Variants in PPP1R12B observed in about 807,000 individuals in gnomAD.
The protein encoded by PPP1R12B is myosin phosphatase target subunit 2.
In PPP1R12B, 76 loss-of-function variants were observed where a neutral mutation model predicts 126.1. The ratio of observed to expected loss-of-function variants is 0.60; its 90% CI spans 0.50 to 0.73. The LOEUF (loss-of-function observed/expected upper bound fraction) is 0.73, where lower values mean the gene tolerates loss of function less well. Ranked by LOEUF, PPP1R12B falls within the 30% of genes least tolerant of loss-of-function variation. The pLI is 0.00. For missense variants in PPP1R12B, 1,052 were observed against 1,205.1 expected, an observed-to-expected ratio of 0.87 and a Z score of 1.88; for synonymous variants, 356 against 434.7, an observed-to-expected ratio of 0.82 and a Z score of 2.25.
chr1:202,371,531 G>A (rs1660260470), intron 1 of PPP1R12B, among the ~76,000 whole-genome samples: 1 of 151,656 alleles, frequency 6.6e-6, no homozygotes, highest in African/African-American at 2.4e-5. Context: ...CATTAAATTT[G>A]CTTTTTGTTT....
intron 18 of PPP1R12B, among the ~76,000 whole-genome samples, chr1:202,497,634 C>G (rs958796520): frequency 6.6e-6 from 1 of 152,116 alleles, no homozygotes; most frequent in African/African-American, 2.4e-5. Context: ...ATATTTTTGT[C>G]TAGATCCAAA....
intron 13 of PPP1R12B, among the ~76,000 whole-genome samples, chr1:202,464,217 A>G (rs1471498336): frequency 1.3e-5 from 2 of 152,168 alleles, no homozygotes; most frequent in Non-Finnish European, 2.9e-5. Flanking sequence ...GTTGCTTTTC[A>G]TTACTACATT....
chr1:202,474,260 G>A (rs1185057810), intron 13 of PPP1R12B, among the ~76,000 whole-genome samples: 1 of 151,688 alleles, frequency 6.6e-6, no homozygotes, highest in Non-Finnish European at 1.5e-5. Context: ...GGAATCAATT[G>A]CTTTTAAACT....
chr1:202,537,664 C>T (rs1016019380), intron 18 of PPP1R12B, among the ~76,000 whole-genome samples: 1 of 152,182 alleles, frequency 6.6e-6, no homozygotes, highest in Non-Finnish European at 1.5e-5. Context: ...TCTCTAATTG[C>T]CAGTGAGTGT....
chr1:202,512,185 A>G (rs1681603165), intron 18 of PPP1R12B, among the ~76,000 whole-genome samples: 3 of 152,212 alleles, frequency 2.0e-5, no homozygotes, highest in Admixed American at 6.5e-5. Context: ...TCCATGATAC[A>G]TATACAGACA....
intron 1 of PPP1R12B, among the ~76,000 whole-genome samples, chr1:202,371,136 C>T (rs1558142038): frequency 6.6e-6 from 1 of 150,910 alleles, no homozygotes; most frequent in Non-Finnish European, 1.5e-5. Context: ...CCACCTCAGC[C>T]TTCCAAATAG....
chr1:202,406,717 T>C (rs949690139), intron 1 of PPP1R12B, among the ~76,000 whole-genome samples: 2 of 152,214 alleles, frequency 1.3e-5, no homozygotes, highest in African/African-American at 4.8e-5. Flanking sequence ...CTTTACTGTT[T>C]TGTTATAATA....
intron 18 of PPP1R12B, among the ~76,000 whole-genome samples, chr1:202,498,338 T>C (rs887153129): frequency 6.6e-6 from 1 of 152,184 alleles, no homozygotes; most frequent in African/African-American, 2.4e-5. Flanking sequence ...AAAACAACAA[T>C]GTGAATCAAA....
At chr1:202,477,229 G>A (rs1238028746) in intron 13 of PPP1R12B, among the ~76,000 whole-genome samples, 2 of 152,170 alleles carry the variant, frequency 1.3e-5, no homozygotes, top group Admixed American at 6.5e-5. Context: ...AGCAGCAAAC[G>A]TGTGCCAGGT....
chr1:202,434,782 A>G lies in PPP1R12B; in HGVS notation c.1254+14A>G. 4 of 1,612,386 alleles carry G rather than the reference A, an allele frequency of 2.5e-6. No homozygotes were observed. Among genetic ancestry groups the G allele is most frequent in the Non-Finnish European group, 3.4e-6 (4 of 1,179,536 alleles). ...TCTGCTAGGAGGGTGAGTACTTTTTACTTAATTTGGGAATTAGATTTCACC... is the reference window on the plus strand; with the variant it reads ...TCTGCTAGGAGGGTGAGTACTTTTTGCTTAATTTGGGAATTAGATTTCACC... On this transcript the variant is annotated intron_variant, in intron 9 of 23. Transcript: ENST00000608999.
chr1:202,420,485 T>C (rs1668603745), intron 2 of PPP1R12B, among the ~76,000 whole-genome samples: 1 of 152,152 alleles, frequency 6.6e-6, no homozygotes, highest in Non-Finnish European at 1.5e-5. Flanking sequence ...GGGTGAGAGT[T>C]GATGTGTTTG....
chr1:202,536,715 CACAT>C (rs926451355), intron 18 of PPP1R12B, among the ~76,000 whole-genome samples: 4 of 151,992 alleles, frequency 2.6e-5, no homozygotes, highest in African/African-American at 7.2e-5. Flanking sequence ...TTAAAACAAA[CACAT>C]ACAGCTGTAC....
intron 5 of PPP1R12B, among the ~76,000 whole-genome samples, chr1:202,428,266 C>T (rs1669801963): frequency 6.6e-6 from 1 of 152,104 alleles, no homozygotes; most frequent in South Asian, 2.1e-4. Context: ...CTGTGCCCAG[C>T]CCATATATGT....
In PPP1R12B at chr1:202,571,430, G is replaced by T. The variant is rs966231826; in HGVS notation, c.2862+2233G>T. Among the ~76,000 whole-genome samples, 3 of 146,838 alleles carry T rather than the reference G, an allele frequency of 2.0e-5. No homozygotes were observed. The Admixed American group carries it at 2.2e-4, about 11-fold the overall frequency. On this transcript the variant is annotated intron_variant, in intron 23 of 23. Coordinates refer to ENST00000608999, the MANE Select transcript of PPP1R12B (RefSeq NM_002481.4). The stretch of plus-strand genomic sequence containing the variant: ...TCCCTAAACCAATAGGTAAGCTGTT[G>T]TGAGGCTGTTTTTTGTTTTTTTTTT...
At chr1:202,547,696 T>G (rs1364462872) in intron 18 of PPP1R12B, among the ~76,000 whole-genome samples, 1 of 152,230 alleles carries the variant, frequency 6.6e-6, no homozygotes. Context: ...TTTACATGGT[T>G]GGTTGTCTGG....
chr1:202,447,596 A>T (rs1250645955), intron 12 of PPP1R12B, among the ~76,000 whole-genome samples: 1 of 152,210 alleles, frequency 6.6e-6, no homozygotes, highest in Non-Finnish European at 1.5e-5. Flanking sequence ...TCTCTGCTCT[A>T]GGGCTGTTCT....
intron 14 of PPP1R12B, 70 bp downstream of exon 14, chr1:202,488,693 A>G: frequency 7.7e-7 from 1 of 1,297,516 alleles, no homozygotes; most frequent in East Asian, 2.5e-5. Flanking sequence ...ATCAAAACAC[A>G]CTGCAATATC....
Position 202,488,543 on chromosome 1 carries a change from A to T in PPP1R12B, c.1861A>T (p.Thr621Ser). Residue 621 changes from threonine to serine, a missense_variant, in exon 14 of 24, where the codon ACT becomes TCT. Transcript: ENST00000608999. ...TTTTTTTCTCTGCAGGTCCTATCTG[A>T]CTCCTGTACGGGATGAGGAAGCAGA... ...EAREKRRSYL[T>S]PVRDEEAESL... The T allele has an allele frequency of 6.2e-7, 1 of 1,609,762 alleles. No individual in the cohort carries two copies. Among genetic ancestry groups the T allele is most frequent in the Non-Finnish European group, 8.5e-7 (1 of 1,177,210 alleles).
intron 18 of PPP1R12B, among the ~76,000 whole-genome samples, chr1:202,517,576 A>T (rs531891553): frequency 6.6e-6 from 1 of 152,310 alleles, no homozygotes; most frequent in East Asian, 1.9e-4. Context: ...GCATAAGAAA[A>T]AGTGTGTAAC....
Sources: allele counts gnomAD v4.1 joint callset (sites outside exome capture counted in the v4.1 genomes callset), GRCh38; gene constraint gnomAD v4.1.1; transcripts MANE v1.5; gene names NCBI Gene and HGNC (gene_info 2026-07-23, HGNC 2026-07-21).